ATP2C2: variants seen among roughly 807,000 people sequenced by gnomAD.
The protein encoded by ATP2C2 is calcium-transporting ATPase type 2C member 2.
In ATP2C2, 171 loss-of-function variants were observed where a neutral mutation model predicts 110.8. The observed-to-expected ratio is 1.54, with a 90% CI of 1.36 to 1.75. The LOEUF is 1.75. Among genes scored for constraint, ATP2C2 ranks in the 40% most tolerant of loss-of-function variants. The pLI is 0.00. For synonymous variants in ATP2C2, 804 were observed against 508.4 expected (o/e 1.58, Z -7.82); for missense variants, 1,963 against 1,235.0 (o/e 1.59, Z -8.84).
intron 26 of ATP2C2, chr16:84,462,395 G>C (rs989645413): frequency 5.0e-6 from 2 of 402,618 alleles, no homozygotes; most frequent in African/African-American, 4.0e-5. Flanking sequence ...CATCCCAGGC[G>C]TCGGGCTGGA....
At chr16:84,402,288 C>G (rs867123356) in intron 2 of ATP2C2, among the ~76,000 whole-genome samples, 2 of 152,154 alleles carry the variant, frequency 1.3e-5, no homozygotes, top group African/African-American at 4.8e-5. Flanking sequence ...TGACTTCTTC[C>G]TTTCCAATTT....
chr16:84,452,619 C>G (rs1304708609), intron 18 of ATP2C2, among the ~76,000 whole-genome samples: 3 of 151,916 alleles, frequency 2.0e-5, no homozygotes, highest in African/African-American at 4.8e-5. Flanking sequence ...CTGCCTCAGC[C>G]TCCTGAGTAG....
chr16:84,445,729 T>C lies in ATP2C2; in HGVS notation c.1402-600T>C, dbSNP rs564402290. ...TCCCTCCCCATGAAATTTAATATGG[T>C]AGATACACTGTATTGTACGCATATC... is the stretch of plus-strand genomic sequence containing the variant. On this transcript the variant is annotated intron_variant, in intron 15 of 26. Coordinates refer to ENST00000262429, the MANE Select transcript of ATP2C2 (RefSeq NM_014861.4). Among the ~76,000 whole-genome samples the C allele has an allele frequency of 2.5e-4, 38 of 152,342 alleles. No individual in the cohort carries two copies. In the South Asian group the frequency reaches 6.6e-3, roughly 27 times the overall value.
chr16:84,438,983 G>T, intron 11 of ATP2C2, 183 bp from the exon 12 acceptor site: 1 of 811,342 alleles, frequency 1.2e-6, no homozygotes, highest in Non-Finnish European at 1.9e-6. Context: ...GCAGGGGAGG[G>T]CTCAGGACAG....
At chr16:84,441,016 C>T (rs1278400155) in intron 14 of ATP2C2, 58 bp downstream of exon 14, 5 of 1,388,032 alleles carry the variant, frequency 3.6e-6, no homozygotes, top group South Asian at 1.2e-5. Flanking sequence ...TTCTGGGGCT[C>T]CTCTCTGAAA....
intron 1 of ATP2C2, among the ~76,000 whole-genome samples, chr16:84,391,877 C>T (rs774085501): frequency 1.3e-5 from 2 of 151,922 alleles, no homozygotes; most frequent in African/African-American, 2.4e-5. Flanking sequence ...TTATGTGACT[C>T]CCGTTCCCTC....
At chr16:84,402,497 G>C (rs1017993553) in intron 2 of ATP2C2, among the ~76,000 whole-genome samples, 3 of 151,892 alleles carry the variant, frequency 2.0e-5, no homozygotes, top group African/African-American at 4.8e-5. Context: ...AGTTTTTTTA[G>C]GGTTTTTATT....
intron 1 of ATP2C2, among the ~76,000 whole-genome samples, chr16:84,376,206 T>A (rs539253539): frequency 4.0e-5 from 6 of 151,690 alleles, no homozygotes; most frequent in Non-Finnish European, 7.4e-5. Context: ...CACAGGGGAG[T>A]TTGGAATGAC....
chr16:84,443,572 G>A (rs138799696), intron 15 of ATP2C2, among the ~76,000 whole-genome samples: 72 of 152,266 alleles, frequency 4.7e-4, no homozygotes, highest in African/African-American at 1.6e-3. Flanking sequence ...ACTCCTGCCT[G>A]TTCTCACTGG....
intron 16 of ATP2C2, 92 bp downstream of exon 16, chr16:84,446,522 A>C: frequency 1.1e-6 from 1 of 878,796 alleles, no homozygotes; most frequent in South Asian, 2.0e-5. Flanking sequence ...GATAATTTGA[A>C]AGTTCCTGGC....
At chr16:84,454,109 G>C (rs1434349749) in intron 20 of ATP2C2, among the ~76,000 whole-genome samples, 1 of 152,138 alleles carries the variant, frequency 6.6e-6, no homozygotes, top group African/African-American at 2.4e-5. Flanking sequence ...CCAAAGTGCT[G>C]GGTGCTTTTT....
rs780950794 is a variant in ATP2C2, at chr16:84,439,457, C to G, written c.1142C>G (p.Thr381Arg). ...TGCAGCGTTCTCTGTTCTGACAAGACGGGGACTCTGACTGCCAATGAAATG... is the reference window on the plus strand; with the variant it reads ...TGCAGCGTTCTCTGTTCTGACAAGAGGGGGACTCTGACTGCCAATGAAATG... ...GCCSVLCSDKTGTLTANEMTV... is the reference protein window; with the variant it reads ...GCCSVLCSDKRGTLTANEMTV... The change falls in exon 13 of 27, where the codon ACG becomes AGG. Residue 381 changes from threonine (T) to arginine (R), a missense_variant. Transcript: ENST00000262429. 2.5e-6 allele frequency: 4 copies of G among 1,613,998 alleles called. No homozygotes were observed. Among genetic ancestry groups the G allele is most frequent in the South Asian group, 1.1e-5 (1 of 91,080 alleles).
chr16:84,463,803 C>T lies in ATP2C2; in HGVS notation c.*71C>T, dbSNP rs1040418159. ...GTGACTGTGGCCCCTGCCGTGTCTC[C>T]TCGTCAGGGGAGACTTTTAGGAGGC... On this transcript the variant is annotated 3_prime_UTR_variant, in exon 27 of 27. Coordinates refer to ENST00000262429, the MANE Select transcript of ATP2C2 (RefSeq NM_014861.4). 36 of 1,370,194 alleles carry T rather than the reference C, an allele frequency of 2.6e-5. No individual in the cohort carries two copies. Among genetic ancestry groups the T allele is most frequent in the Non-Finnish European group, 3.4e-5 (33 of 962,150 alleles). 84.9% of individuals were successfully genotyped at this position (1,370,194 alleles called of 1,614,324 possible).
At position 84,408,385 on chromosome 16, in the gene ATP2C2, C is replaced by T. The variant is rs973145876; in HGVS notation, c.328-20C>T. 3 of 1,609,844 alleles carry T rather than the reference C, an allele frequency of 1.9e-6. No individual in the cohort carries two copies. ...CCCTGAGACTAAAGAACGTGCCCCACCCTGTTATTTCCTCTTCAGTTTAAG... is the reference window on the plus strand; with the variant it reads ...CCCTGAGACTAAAGAACGTGCCCCATCCTGTTATTTCCTCTTCAGTTTAAG... On this transcript the variant is annotated intron_variant, in intron 3 of 26. Transcript: ENST00000262429.
At chr16:84,428,631 C>G (rs1907995398) in intron 11 of ATP2C2, among the ~76,000 whole-genome samples, 1 of 152,052 alleles carries the variant, frequency 6.6e-6, no homozygotes, top group African/African-American at 2.4e-5. Context: ...AAGCAAAATA[C>G]AAATGACAGA....
rs182488095 is a variant in ATP2C2, at chr16:84,387,131, C to T, written c.100-11368C>T. Among the ~76,000 whole-genome samples the T allele has an allele frequency of 4.5e-4, 60 of 133,608 alleles. 1 individual carries two copies. Among genetic ancestry groups the T allele is most frequent in the African/African-American group, 1.3e-3 (46 of 36,260 alleles). The allele number at this position is 133,608 out of a possible 152,430, so 87.7% of individuals were successfully genotyped here. A position where few individuals can be genotyped will look rare whatever the true frequency, so the allele number is the denominator to read the frequency against. ...GCCGCGCTCTGAGAACCTGAGACTG[C>T]GATAACCCCAGACTGAGTTCCACTT... On this transcript the variant is annotated intron_variant, in intron 1 of 26. Coordinates refer to ENST00000262429, the MANE Select transcript of ATP2C2 (RefSeq NM_014861.4).
chr16:84,388,843 C>G (rs185869547), intron 1 of ATP2C2, among the ~76,000 whole-genome samples: 106 of 152,322 alleles, frequency 7.0e-4, no homozygotes, highest in African/African-American at 1.3e-3. Flanking sequence ...GCAATCTTGG[C>G]TCACTGCTAC....
chr16:84,409,700 C>T (rs1464278039), intron 4 of ATP2C2, among the ~76,000 whole-genome samples: 1 of 151,970 alleles, frequency 6.6e-6, no homozygotes, highest in Non-Finnish European at 1.5e-5. Flanking sequence ...ATGAGGTTTC[C>T]CTGTGTTGGC....
intron 17 of ATP2C2, among the ~76,000 whole-genome samples, chr16:84,449,823 T>A (rs1910093497): frequency 6.6e-6 from 1 of 152,226 alleles, no homozygotes; most frequent in African/African-American, 2.4e-5. Context: ...ACGCCTCTGC[T>A]GACGAAATGG....
Sources: allele counts gnomAD v4.1 joint callset (sites outside exome capture counted in the v4.1 genomes callset), GRCh38; gene constraint gnomAD v4.1.1; transcripts MANE v1.5; gene names NCBI Gene and HGNC (gene_info 2026-07-23, HGNC 2026-07-21).